RABGAP1L: variants seen among roughly 807,000 people sequenced by gnomAD.
RABGAP1L encodes rab GTPase-activating protein 1-like.
A neutral mutation model predicts 137.7 loss-of-function variants in RABGAP1L; 63 were observed. The observed-to-expected ratio is 0.46, with a 90% CI of 0.37 to 0.56. RABGAP1L has a LOEUF of 0.56. RABGAP1L is among the 20% of genes least tolerant of loss of function. RABGAP1L has a pLI of 0.00. For missense variants in RABGAP1L, 1,095 were observed against 1,244.0 expected, an observed-to-expected ratio of 0.88 and a Z score of 1.80; for synonymous variants, 431 against 433.7, an observed-to-expected ratio of 0.99 and a Z score of 0.08.
intron 13 of RABGAP1L, among the ~76,000 whole-genome samples, chr1:174,446,907 A>G (rs1026587471): frequency 3.3e-5 from 5 of 152,194 alleles, no homozygotes; most frequent in Admixed American, 6.5e-5. Flanking sequence ...TAAGTAATAA[A>G]TAATGGCAGC....
chr1:174,469,122 A>G (rs2149302512), intron 13 of RABGAP1L, among the ~76,000 whole-genome samples: 1 of 152,318 alleles, frequency 6.6e-6, no homozygotes, highest in East Asian at 1.9e-4. Flanking sequence ...TTAATAGAAA[A>G]GTGCAGCTGT....
chr1:174,717,741 C>T (rs1482095447), intron 17 of RABGAP1L, among the ~76,000 whole-genome samples: 1 of 151,946 alleles, frequency 6.6e-6, no homozygotes, highest in African/African-American at 2.4e-5. Context: ...AGTATAGTTG[C>T]TTTCTGTTTG....
intron 13 of RABGAP1L, among the ~76,000 whole-genome samples, chr1:174,577,450 A>AG (rs1668464720): frequency 6.6e-6 from 1 of 152,116 alleles, no homozygotes; most frequent in Admixed American, 6.5e-5. Context: ...TAAAGTGCTT[A>AG]GAACAGTACC....
chr1:174,734,374 G>C (rs765651403), intron 17 of RABGAP1L, among the ~76,000 whole-genome samples: 60 of 152,040 alleles, frequency 3.9e-4, no homozygotes, highest in Non-Finnish European at 6.8e-4. Context: ...GTTCAGTAAA[G>C]CTTTCAAAGC....
intron 14 of RABGAP1L, among the ~76,000 whole-genome samples, chr1:174,661,195 G>A (rs1174573975): frequency 6.6e-6 from 1 of 152,144 alleles, no homozygotes; most frequent in African/African-American, 2.4e-5. Flanking sequence ...ACTAGTTACT[G>A]TTCTGGGCTG....
At chr1:174,209,085 C>T (rs1668692563) in intron 1 of RABGAP1L, among the ~76,000 whole-genome samples, 1 of 152,164 alleles carries the variant, frequency 6.6e-6, no homozygotes, top group South Asian at 2.1e-4. Flanking sequence ...ACCTAGATCC[C>T]TCACATGTGC....
At chr1:174,719,748 A>G (rs1328882480) in intron 17 of RABGAP1L, among the ~76,000 whole-genome samples, 1 of 152,236 alleles carries the variant, frequency 6.6e-6, no homozygotes, top group Non-Finnish European at 1.5e-5. Flanking sequence ...AATAGAGTGT[A>G]TCATCAGTCC....
chr1:174,486,412 T>C (rs1222925865), intron 13 of RABGAP1L, among the ~76,000 whole-genome samples: 1 of 151,320 alleles, frequency 6.6e-6, no homozygotes, highest in Non-Finnish European at 1.5e-5. Flanking sequence ...AGTGGCGTGA[T>C]CTCGGCTCAC....
intron 13 of RABGAP1L, among the ~76,000 whole-genome samples, chr1:174,459,943 A>G (rs1656480892): frequency 6.6e-6 from 1 of 152,082 alleles, no homozygotes; most frequent in Non-Finnish European, 1.5e-5. Flanking sequence ...TCAGGTTTCC[A>G]TTAGTTTGAT....
chr1:174,921,693 A>G (rs1661838736), intron 19 of RABGAP1L, among the ~76,000 whole-genome samples: 1 of 152,246 alleles, frequency 6.6e-6, no homozygotes, highest in Admixed American at 6.5e-5. Context: ...CTGTCTAAAT[A>G]TGCCAAAAAT....
intron 3 of RABGAP1L, among the ~76,000 whole-genome samples, chr1:174,224,024 G>T (rs778294878): frequency 3.3e-5 from 5 of 152,096 alleles, no homozygotes; most frequent in African/African-American, 4.8e-5. Context: ...ATAAAATTAG[G>T]TTCCTTAGTT....
chr1:174,222,908 G>A (rs1034773271), intron 3 of RABGAP1L, among the ~76,000 whole-genome samples: 2 of 152,048 alleles, frequency 1.3e-5, no homozygotes, highest in Non-Finnish European at 2.9e-5. Flanking sequence ...GGGTGAGGCG[G>A]GCAGATCACT....
chr1:174,523,195 A>G (rs530540624), intron 13 of RABGAP1L, among the ~76,000 whole-genome samples: 4 of 152,300 alleles, frequency 2.6e-5, no homozygotes, highest in East Asian at 3.9e-4. Context: ...TTCCCCAGGG[A>G]TATAGCTCAG....
chr1:174,756,146 G>A (rs1022036037), intron 18 of RABGAP1L, among the ~76,000 whole-genome samples: 2 of 152,082 alleles, frequency 1.3e-5, no homozygotes, highest in Non-Finnish European at 2.9e-5. Context: ...TTATCCTACT[G>A]TATGTGCCAT....
Position 174,982,901 on chromosome 1 carries a change from T to C in RABGAP1L, c.2801T>C (p.Val934Ala). 1.3e-6 allele frequency: 2 copies of C among 1,550,230 alleles called. No individual in the cohort carries two copies. The highest frequency in any genetic ancestry group is 1.2e-5 in the South Asian group (1 of 84,060). The change falls in exon 24 of 26, where the codon GTA (valine) becomes GCA (alanine). Residue 934 changes from valine (V) to alanine (A), a missense_variant. Transcript: ENST00000681986. ...GCCAGCAAGGAGGAGCTGGAAGTGG[T>C]AAAGGTAAGGAGTGAAATCGTGCTG... The part of the protein sequence containing the change: ...QAASKEELEV[V>A]KGKMMACKHC...
Position 174,582,246 on chromosome 1 carries a change from G to A in RABGAP1L, c.1711-55129G>A, listed in dbSNP as rs150391049. On this transcript the variant is annotated intron_variant, in intron 13 of 25. Coordinates refer to ENST00000681986, the MANE Select transcript of RABGAP1L (RefSeq NM_001366446.1). ...AAATATTAGCTGAGTGTGGTGGCAC[G>A]CTGCACTCCAGCCTGGGCAACAGAG... Among the ~76,000 whole-genome samples, 307 of 152,060 alleles carry A rather than the reference G, an allele frequency of 2.0e-3. 1 individual carries two copies. Among genetic ancestry groups the A allele is most frequent in the African/African-American group, 6.8e-3 (281 of 41,486 alleles).
intron 17 of RABGAP1L, among the ~76,000 whole-genome samples, chr1:174,747,655 CCT>C (rs1191946076): frequency 6.6e-6 from 1 of 151,946 alleles, no homozygotes; most frequent in Non-Finnish European, 1.5e-5. Context: ...CTGAAAGTTT[CCT>C]CTTTAGCTTC....
In RABGAP1L at chr1:174,620,824, C is replaced by CA. The variant is rs1197326024; in HGVS notation, c.1711-16545dup. 7.9e-5 allele frequency among the ~76,000 whole-genome samples: 12 copies of CA among 151,998 alleles called. 1 individual carries two copies. Among genetic ancestry groups the CA allele is most frequent in the African/African-American group, 1.4e-4 (6 of 41,410 alleles). ...GGAAATAGAGACACAAAAAACCCTT[C>CA]AAAAAATCAATGAATACAGGAGCTG... On this transcript the variant is annotated intron_variant, in intron 13 of 25. Transcript: ENST00000681986.
chr1:174,668,068 A>G (rs192285514), intron 14 of RABGAP1L, among the ~76,000 whole-genome samples: 1 of 152,224 alleles, frequency 6.6e-6, no homozygotes, highest in South Asian at 2.1e-4. Flanking sequence ...AAATTTTCAA[A>G]TATACAAAAT....
Sources: gnomAD v4.1 joint callset for allele counts (sites outside exome capture counted in the v4.1 genomes callset) on GRCh38, gnomAD v4.1.1 for gene constraint, MANE v1.5 for transcripts, NCBI Gene and HGNC (gene_info 2026-07-23, HGNC 2026-07-21) for gene names.